Variants in MINDY4 observed in about 807,000 individuals in gnomAD.
The protein encoded by MINDY4 is probable ubiquitin carboxyl-terminal hydrolase MINDY-4.
MINDY4 carries 68 observed loss-of-function variants against 87.0 expected under a neutral mutation model. The ratio of observed to expected loss-of-function variants is 0.78; its 90% CI spans 0.64 to 0.96. MINDY4 has a LOEUF of 0.96. Ranked by LOEUF, MINDY4 falls within the 40% of genes least tolerant of loss-of-function variation. The pLI is 0.00. For missense variants in MINDY4, 919 were observed against 928.2 expected (o/e 0.99, Z 0.13); for synonymous variants, 379 against 363.2 (o/e 1.04, Z -0.50).
chr7:30,836,667 A>G lies in MINDY4; in HGVS notation c.1142A>G (p.Glu381Gly). The G allele has an allele frequency of 1.9e-6, 3 of 1,613,992 alleles. No homozygotes were observed. Among genetic ancestry groups the G allele is most frequent in the Non-Finnish European group, 2.5e-6 (3 of 1,179,876 alleles). The change falls in exon 7 of 18, where the codon GAG becomes GGG. Residue 381 changes from glutamate to glycine, a missense_variant. Coordinates refer to ENST00000265299, the MANE Select transcript of MINDY4 (RefSeq NM_032222.3). ...ELGALRLEDV[E>G]DELIREEVIL... ...CATGGTTTTCTTTCAGAGGATGTGG[A>G]GGATGAGTTGATAAGGGAAGAGGTC... is the stretch of plus-strand genomic sequence containing the variant.
intron 5 of MINDY4, among the ~76,000 whole-genome samples, chr7:30,824,350 T>C (rs898774282): frequency 6.6e-6 from 1 of 152,196 alleles, no homozygotes; most frequent in Admixed American, 6.5e-5. Context: ...AATCCATTCA[T>C]GAGGGCAAAG....
chr7:30,784,849 C>G (rs1787110990), intron 3 of MINDY4, among the ~76,000 whole-genome samples: 1 of 152,212 alleles, frequency 6.6e-6, no homozygotes, highest in Non-Finnish European at 1.5e-5. Context: ...ACTGCCCCTC[C>G]CACATGTGAC....
At chr7:30,874,610 G>A (rs1320809661) in intron 14 of MINDY4, among the ~76,000 whole-genome samples, 1 of 152,200 alleles carries the variant, frequency 6.6e-6, no homozygotes, top group Non-Finnish European at 1.5e-5. Context: ...GGCTTGCCAG[G>A]TGTGTAGCTT....
chr7:30,774,203 C>T (rs1021438612), intron 1 of MINDY4, among the ~76,000 whole-genome samples: 5 of 152,202 alleles, frequency 3.3e-5, no homozygotes, highest in Non-Finnish European at 4.4e-5. Context: ...GCTCCTTCCC[C>T]ATCTAATTTC....
At chr7:30,834,068 G>A (rs560518944) in intron 6 of MINDY4, among the ~76,000 whole-genome samples, 1 of 152,336 alleles carries the variant, frequency 6.6e-6, no homozygotes, top group South Asian at 2.1e-4. Context: ...TACCATTCTG[G>A]GGTCTGGAGG....
intron 5 of MINDY4, among the ~76,000 whole-genome samples, chr7:30,810,866 G>A (rs1787974035): frequency 6.6e-6 from 1 of 152,098 alleles, no homozygotes; most frequent in African/African-American, 2.4e-5. Flanking sequence ...GGTGCTAAAG[G>A]AAATTTCTCA....
At chr7:30,822,806 T>C (rs969285670) in intron 5 of MINDY4, among the ~76,000 whole-genome samples, 10 of 151,852 alleles carry the variant, frequency 6.6e-5, no homozygotes, top group Non-Finnish European at 1.3e-4. Context: ...TGGCTAATTT[T>C]TGAATTTTTT....
chr7:30,807,108 C>T (rs1237121174), intron 5 of MINDY4, among the ~76,000 whole-genome samples: 1 of 152,186 alleles, frequency 6.6e-6, no homozygotes, highest in Non-Finnish European at 1.5e-5. Context: ...GAAAAAGTCC[C>T]AGATGGAAAC....
chr7:30,805,951 G>A (rs1054929375), intron 5 of MINDY4, among the ~76,000 whole-genome samples: 2 of 152,192 alleles, frequency 1.3e-5, no homozygotes, highest in Non-Finnish European at 2.9e-5. Flanking sequence ...ACGGGCTTGG[G>A]TGGGGCCCGG....
intron 5 of MINDY4, among the ~76,000 whole-genome samples, chr7:30,812,235 G>A (rs1030732517): frequency 5.1e-5 from 7 of 137,838 alleles, no homozygotes; most frequent in Non-Finnish European, 7.7e-5. Flanking sequence ...CTTTCAAATC[G>A]TTCAGCAAAA....
intron 5 of MINDY4, among the ~76,000 whole-genome samples, chr7:30,817,671 G>A (rs1178085476): frequency 5.9e-5 from 9 of 152,176 alleles, no homozygotes; most frequent in Admixed American, 5.9e-4. Flanking sequence ...CCGAAGTTTT[G>A]TGGTTCTTAT....
chr7:30,881,291 C>G (rs1790457115), intron 15 of MINDY4, among the ~76,000 whole-genome samples: 2 of 152,208 alleles, frequency 1.3e-5, no homozygotes, highest in Admixed American at 1.3e-4. Flanking sequence ...AAGATGCTAG[C>G]AACGTGCTGA....
At chr7:30,797,237 T>C (rs558100087) in intron 5 of MINDY4, among the ~76,000 whole-genome samples, 1 of 152,172 alleles carries the variant, frequency 6.6e-6, no homozygotes, top group African/African-American at 2.4e-5. Context: ...ACAAAGCAGA[T>C]TGAGTCCCTG....
chr7:30,891,888 A>G, intron 17 of MINDY4, 69 bp from the exon 18 acceptor site: 1 of 1,502,234 alleles, frequency 6.7e-7, no homozygotes, highest in Non-Finnish European at 9.3e-7. Flanking sequence ...AGTGGAGGCA[A>G]GAGATGGGCT....
chr7:30,787,757 A>G (rs997534236), intron 4 of MINDY4, among the ~76,000 whole-genome samples: 1 of 152,212 alleles, frequency 6.6e-6, no homozygotes, highest in Admixed American at 6.5e-5. Flanking sequence ...TCTGCTGGGG[A>G]CACTGTGGAA....
chr7:30,864,469 G>A (rs891614538), intron 13 of MINDY4, among the ~76,000 whole-genome samples: 40 of 152,266 alleles, frequency 2.6e-4, no homozygotes, highest in Non-Finnish European at 4.3e-4. Context: ...GCTGGATCCA[G>A]GAACCCAGAC....
In MINDY4 at chr7:30,785,751, A is replaced by T; in HGVS notation, c.422A>T (p.His141Leu). The change falls in exon 4 of 18, where the codon CAT becomes CTT. Residue 141 changes from histidine (H) to leucine (L), a missense_variant and splice_region_variant. Coordinates refer to ENST00000265299, the MANE Select transcript of MINDY4 (RefSeq NM_032222.3). The part of the protein sequence containing the change: ...TSLSETSKAR[H>L]DNLDGDVLGN... ...ATGGAAATATTCCTTTTTCACAGAC[A>T]TGACAATCTTGATGGAGATGTACTT... The T allele has an allele frequency of 6.2e-7, 1 of 1,614,118 alleles. No homozygotes were observed. The highest frequency in any genetic ancestry group is 8.5e-7 in the Non-Finnish European group (1 of 1,180,008).
intron 5 of MINDY4, among the ~76,000 whole-genome samples, chr7:30,797,221 C>G (rs777015054): frequency 1.3e-5 from 2 of 152,248 alleles, no homozygotes; most frequent in African/African-American, 4.8e-5. Flanking sequence ...AGCCAGTCAG[C>G]TGTGAACAAA....
At chr7:30,853,543 T>C in intron 12 of MINDY4, 84 bp downstream of exon 12, 1 of 1,228,996 alleles carries the variant, frequency 8.1e-7, no homozygotes, top group Non-Finnish European at 1.2e-6. Flanking sequence ...GAACTGGAGT[T>C]GTTCTCCTGT....
Sources: gnomAD v4.1 joint callset for allele counts (sites outside exome capture counted in the v4.1 genomes callset) on GRCh38, gnomAD v4.1.1 for gene constraint, MANE v1.5 for transcripts, NCBI Gene and HGNC (gene_info 2026-07-23, HGNC 2026-07-21) for gene names.